Variants in EPHB3 observed in about 807,000 individuals in gnomAD.
The protein encoded by EPHB3 is ephrin type-B receptor 3.
A neutral mutation model predicts 100.2 loss-of-function variants in EPHB3; 33 were observed. The observed-to-expected ratio is 0.33, with a 90% CI of 0.25 to 0.44. EPHB3 has a LOEUF of 0.44. Ranked by LOEUF, EPHB3 falls within the 20% of genes least tolerant of loss-of-function variation. The pLI, the probability that EPHB3 is intolerant of heterozygous loss-of-function variation, is 1.00. For synonymous variants in EPHB3, 526 were observed against 554.7 expected (o/e 0.95, Z 0.73); for missense variants, 1,045 against 1,378.3 (o/e 0.76, Z 3.83).
Position 184,579,482 on chromosome 3 carries a change from C to T in EPHB3, c.1807C>T (p.Pro603Ser), listed in dbSNP as rs1714765158. The T allele has an allele frequency of 1.9e-6, 3 of 1,613,312 alleles. No individual in the cohort carries two copies. Among genetic ancestry groups the T allele is most frequent in the Non-Finnish European group, 2.5e-6 (3 of 1,179,434 alleles). ...YTEKLQQYIA[P>S]GMKVYIDPFT... Reference sequence around the variant, plus strand: ...CCCACCTCTTCTCCCTCCAGTTGCTCCTGGAATGAAGGTTTATATTGACCC... The same window carrying T: ...CCCACCTCTTCTCCCTCCAGTTGCTTCTGGAATGAAGGTTTATATTGACCC... Residue 603 changes from proline to serine, a missense_variant, in exon 10 of 16, where the codon CCT becomes TCT. By Grantham distance (74) the Pro-to-Ser change is moderately conservative (BLOSUM62 -1). This residue lies in a region of EPHB3 where 985 missense variants were observed against 1,331.1 expected (regional missense o/e 0.74). Coordinates refer to ENST00000330394, the MANE Select transcript of EPHB3 (RefSeq NM_004443.4). This position sits in a 1 kb window ranked among gnomAD's most constrained non-coding sequence, Gnocchi z 5.2.
rs1165959725 is a variant in EPHB3, at chr3:184,563,096, G to T, written c.118+743G>T. 6.6e-6 allele frequency among the ~76,000 whole-genome samples: 1 copy of T among 152,216 alleles called. No homozygotes were observed. Among genetic ancestry groups the T allele is most frequent in the East Asian group, 1.9e-4 (1 of 5,198 alleles). On this transcript the variant is annotated intron_variant, in intron 1 of 15. Transcript: ENST00000330394. This position sits in a 1 kb window ranked among gnomAD's most constrained non-coding sequence, Gnocchi z 4.1. ...CTTCTCAATAGGTTCTGTGAAACCTGCCAAGACTGCTGTGGGGGGCAGCTC... is the reference window on the plus strand; with the variant it reads ...CTTCTCAATAGGTTCTGTGAAACCTTCCAAGACTGCTGTGGGGGGCAGCTC...
intron 1 of EPHB3, among the ~76,000 whole-genome samples, chr3:184,568,592 A>AC (rs113185340): frequency 0.18 from 23,604 of 128,278 alleles, 1,766 homozygotes; most frequent in Middle Eastern, 0.26. Flanking sequence ...GGGTTCTATG[A>AC]CCCCCCCCCC....
Position 184,562,250 on chromosome 3 carries a change from C to CCCGCCGCCGCCGCCG in EPHB3, c.16_30dup (p.Pro6_Pro10dup), listed in dbSNP as rs763165946. 1 of 1,070,582 alleles carries CCCGCCGCCGCCGCCG rather than the reference C, an allele frequency of 9.3e-7. No individual in the cohort carries two copies. Among genetic ancestry groups the CCCGCCGCCGCCGCCG allele is most frequent in the Non-Finnish European group, 1.2e-6 (1 of 858,006 alleles). 66.3% of individuals were successfully genotyped at this position (1,070,582 alleles called of 1,614,324 possible). A position where few individuals can be genotyped will look rare whatever the true frequency, so the allele number is the denominator to read the frequency against. ...CTGCCACGGCCATGGCCAGAGCCCG[C>CCCGCCGCCGCCGCCG]CCGCCGCCGCCGCCGTCGCCGCCGC... On this transcript the variant is annotated inframe_insertion, in exon 1 of 16. Transcript: ENST00000330394. The surrounding 1 kb of genome is among the most constrained non-coding windows in gnomAD (Gnocchi z 4.8).
At position 184,562,250 on chromosome 3, in the gene EPHB3, CCCGCCGCCGCCGCCGTCG is replaced by C; in HGVS notation, c.25_42del (p.Pro9_Pro14del). The C allele has an allele frequency of 2.8e-6, 3 of 1,077,146 alleles. No homozygotes were observed. Among genetic ancestry groups the C allele is most frequent in the Non-Finnish European group, 2.3e-6 (2 of 863,142 alleles). 66.7% of individuals were successfully genotyped at this position (1,077,146 alleles called of 1,614,324 possible). On this transcript the variant is annotated inframe_deletion, in exon 1 of 16. Transcript: ENST00000330394. This position sits in a 1 kb window ranked among gnomAD's most constrained non-coding sequence, Gnocchi z 4.8. ...CTGCCACGGCCATGGCCAGAGCCCG[CCCGCCGCCGCCGCCGTCG>C]CCGCCGCCGGGGCTTCTGCCGCTGC... is the stretch of plus-strand genomic sequence containing the variant.
In EPHB3 at chr3:184,577,210, G is replaced by T. The variant is rs375569717; in HGVS notation, c.1354+27G>T. On this transcript the variant is annotated intron_variant, in intron 5 of 15. Coordinates refer to ENST00000330394, the MANE Select transcript of EPHB3 (RefSeq NM_004443.4). This position sits in a 1 kb window ranked among gnomAD's most constrained non-coding sequence, Gnocchi z 4.9. ...TGAGGAGGGGACACTGGAGGGTAGG[G>T]CCTGGGTCACTTTCTCCTGGATGAG... is the stretch of plus-strand genomic sequence containing the variant. 6.3e-7 allele frequency: 1 copy of T among 1,576,648 alleles called. No individual in the cohort carries two copies. The highest frequency in any genetic ancestry group is 8.6e-7 in the Non-Finnish European group (1 of 1,158,256).
rs2108439523 is a variant in EPHB3 at position 184,579,031 on chromosome 3, AGAG to A, written c.1802-442_1802-440del. Among the ~76,000 whole-genome samples the A allele has an allele frequency of 6.6e-6, 1 of 152,276 alleles. No individual in the cohort carries two copies. The highest frequency in any genetic ancestry group is 6.5e-5 in the Admixed American group (1 of 15,298). On this transcript the variant is annotated intron_variant, in intron 9 of 15. Transcript: ENST00000330394. The surrounding 1 kb of genome is among the most constrained non-coding windows in gnomAD (Gnocchi z 5.2). The stretch of plus-strand genomic sequence containing the variant: ...CCTCGGAGGGTCCTGAAAGGCAGGC[AGAG>A]GAGTCTGGACTTGACTCCACCATAG...
chr3:184,567,480 GGTGTGT>G (rs58429187), intron 1 of EPHB3, among the ~76,000 whole-genome samples: 78 of 148,650 alleles, frequency 5.2e-4, no homozygotes, highest in Middle Eastern at 3.4e-3. Flanking sequence ...ATGCTTGCAG[GGTGTGT>G]GTGTGTGTGT....
rs1002673735 is a variant in EPHB3, at chr3:184,562,760, C to T, written c.118+407C>T. ...TGGCGGGTGGGGGCGAAGCGGGACT[C>T]CCCGGGTTGGGGGGCGCTAATGAGG... On this transcript the variant is annotated intron_variant, in intron 1 of 15. Coordinates refer to ENST00000330394, the MANE Select transcript of EPHB3 (RefSeq NM_004443.4). The surrounding 1 kb of genome is among the most constrained non-coding windows in gnomAD (Gnocchi z 4.8). 6.6e-6 allele frequency among the ~76,000 whole-genome samples: 1 copy of T among 152,166 alleles called. No homozygotes were observed. Among genetic ancestry groups the T allele is most frequent in the Non-Finnish European group, 1.5e-5 (1 of 68,016 alleles).
At position 184,576,847 on chromosome 3, in the gene EPHB3, C is replaced by T; in HGVS notation, c.1018C>T (p.Pro340Ser). The T allele has an allele frequency of 6.5e-7, 1 of 1,541,820 alleles. No homozygotes were observed. Among genetic ancestry groups the T allele is most frequent in the South Asian group, 1.3e-5 (1 of 79,336 alleles). The change falls in exon 5 of 16, where the codon CCA becomes TCA. Residue 340 changes from proline (P) to serine (S), a missense_variant. Transcript: ENST00000330394. Reference protein sequence around the residue: ...DSADSACTTVPSPPRGVISNV... With the variant: ...DSADSACTTVSSPPRGVISNV... ...TCCCTCCATATTCCTCACAGCCGTG[C>T]CATCTCCACCCCGAGGTGTGATCTC...
chr3:184,562,309 T>TGCTGCC lies in EPHB3; in HGVS notation c.80_85dup (p.Pro27_Leu28dup), dbSNP rs1458706919. ...CTGCCGCTGCTCCCTCCGCTGCTGCTGCTGCCGCTGCTGCTGCTGCCCGCC... is the reference window on the plus strand; with the variant it reads ...CTGCCGCTGCTCCCTCCGCTGCTGCTGCTGCCGCTGCCGCTGCTGCTGCTGCCCGCC... On this transcript the variant is annotated inframe_insertion, in exon 1 of 16. Coordinates refer to ENST00000330394, the MANE Select transcript of EPHB3 (RefSeq NM_004443.4). This position sits in a 1 kb window ranked among gnomAD's most constrained non-coding sequence, Gnocchi z 4.8. The TGCTGCC allele has an allele frequency of 3.8e-5, 48 of 1,250,462 alleles. No individual in the cohort carries two copies. The African/African-American group carries it at 6.4e-4, about 17-fold the overall frequency. The allele number at this position is 1,250,462 out of a possible 1,614,324, so 77.5% of individuals were successfully genotyped here. A position where few individuals can be genotyped will look rare whatever the true frequency, so the allele number is the denominator to read the frequency against.
Position 184,577,604 on chromosome 3 carries a change from G to A in EPHB3, c.1480-54G>A. 6.4e-7 allele frequency: 1 copy of A among 1,570,632 alleles called. No homozygotes were observed. Among genetic ancestry groups the A allele is most frequent in the South Asian group, 1.2e-5 (1 of 84,042 alleles). On this transcript the variant is annotated intron_variant, in intron 6 of 15. Transcript: ENST00000330394. This position sits in a 1 kb window ranked among gnomAD's most constrained non-coding sequence, Gnocchi z 4.9. ...GTGGCAGGCCTGGGTGTGAATAGGG[G>A]CTGGTTGGCCTCAGGACCCACCTGA... is the stretch of plus-strand genomic sequence containing the variant.
intron 1 of EPHB3, among the ~76,000 whole-genome samples, chr3:184,566,191 G>A (rs1047601392): frequency 6.6e-6 from 1 of 152,204 alleles, no homozygotes; most frequent in African/African-American, 2.4e-5. Flanking sequence ...AAGGGCTGAA[G>A]GGCTCAGGTT....
chr3:184,575,799 T>A (rs1577528294), intron 3 of EPHB3, 31 bp from the exon 4 acceptor site: 1 of 1,554,958 alleles, frequency 6.4e-7, no homozygotes, highest in African/African-American at 1.4e-5. Context: ...GGAAGGGAGG[T>A]GAGCCCCATT....
intron 1 of EPHB3, among the ~76,000 whole-genome samples, chr3:184,570,691 C>T (rs1011412710): frequency 1.2e-4 from 18 of 152,220 alleles, no homozygotes; most frequent in Non-Finnish European, 2.5e-4. Flanking sequence ...GCCCTTTGTT[C>T]CAGGATAAAG....
Position 184,577,108 on chromosome 3 carries a change from G to A in EPHB3, c.1279G>A (p.Ala427Thr). Residue 427 changes from alanine (A) to threonine (T), a missense_variant, in exon 5 of 16, where the codon GCG becomes ACG. Ala to Thr is a moderately conservative substitution (Grantham distance 58). This residue lies in a region of EPHB3 where 985 missense variants were observed against 1,331.1 expected (regional missense o/e 0.74). Coordinates refer to ENST00000330394, the MANE Select transcript of EPHB3 (RefSeq NM_004443.4). This position sits in a 1 kb window ranked among gnomAD's most constrained non-coding sequence, Gnocchi z 4.9. ...CACGCGCTACACCTTTGAGGTGCAGGCGGTCAACGGTGTCTCGGGCAAGAG... is the reference window on the plus strand; with the variant it reads ...CACGCGCTACACCTTTGAGGTGCAGACGGTCAACGGTGTCTCGGGCAAGAG... The part of the protein sequence containing the change: ...AHTRYTFEVQ[A>T]VNGVSGKSPL... The A allele has an allele frequency of 6.2e-7, 1 of 1,612,904 alleles. No homozygotes were observed. The highest frequency in any genetic ancestry group is 8.5e-7 in the Non-Finnish European group (1 of 1,179,420).
At position 184,581,784 on chromosome 3, in the gene EPHB3, C is replaced by T. The variant is rs1342205858; in HGVS notation, c.*162C>T. ...GGACTTCTCCAGGCCTGTGTTCCCT[C>T]CCCAGGAAGTGCGCCCCAAACCTCT... is the stretch of plus-strand genomic sequence containing the variant. On this transcript the variant is annotated 3_prime_UTR_variant, in exon 16 of 16. Coordinates refer to ENST00000330394, the MANE Select transcript of EPHB3 (RefSeq NM_004443.4). 2.3e-5 allele frequency: 16 copies of T among 682,042 alleles called. No individual in the cohort carries two copies. Among genetic ancestry groups the T allele is most frequent in the Non-Finnish European group, 3.8e-5 (16 of 417,252 alleles). The allele number at this position is 682,042 out of a possible 1,614,324, so 42.2% of individuals were successfully genotyped here. A position where few individuals can be genotyped will look rare whatever the true frequency, so the allele number is the denominator to read the frequency against.
Position 184,581,570 on chromosome 3 carries a change from G to C in EPHB3, c.2945G>C (p.Ser982Thr), listed in dbSNP as rs1224921793. 1 of 1,613,864 alleles carries C rather than the reference G, an allele frequency of 6.2e-7. No individual in the cohort carries two copies. Among genetic ancestry groups the C allele is most frequent in the African/African-American group, 1.3e-5 (1 of 75,058 alleles). ...LAGHQKKILS[S>T]IQDMRLQMNQ... Reference sequence around the variant, plus strand: ...GGCCACCAGAAGAAGATCCTGAGCAGTATCCAGGACATGCGGCTGCAGATG... The same window carrying C: ...GGCCACCAGAAGAAGATCCTGAGCACTATCCAGGACATGCGGCTGCAGATG... Residue 982 changes from serine to threonine, a missense_variant, in exon 16 of 16, where the codon AGT becomes ACT. Coordinates refer to ENST00000330394, the MANE Select transcript of EPHB3 (RefSeq NM_004443.4).
At chr3:184,567,113 G>A (rs941542879) in intron 1 of EPHB3, among the ~76,000 whole-genome samples, 3 of 152,192 alleles carry the variant, frequency 2.0e-5, no homozygotes, top group African/African-American at 7.2e-5. Flanking sequence ...CAGGGGCCCT[G>A]GAGACAGTGC....
rs1714282535 is a variant in EPHB3 at position 184,562,495 on chromosome 3, G to T, written c.118+142G>T. The T allele has an allele frequency of 1.8e-6, 2 of 1,117,702 alleles. No individual in the cohort carries two copies. Among genetic ancestry groups the T allele is most frequent in the African/African-American group, 3.3e-5 (2 of 60,466 alleles). The allele number at this position is 1,117,702 out of a possible 1,614,324, so 69.2% of individuals were successfully genotyped here. A position where few individuals can be genotyped will look rare whatever the true frequency, so the allele number is the denominator to read the frequency against. ...CGCCCGCTCCGGGGCCCAGGGATGG[G>T]GTGGGGAGGCCGCCCCTGGAGCCGC... On this transcript the variant is annotated intron_variant, in intron 1 of 15. Coordinates refer to ENST00000330394, the MANE Select transcript of EPHB3 (RefSeq NM_004443.4). This position sits in a 1 kb window ranked among gnomAD's most constrained non-coding sequence, Gnocchi z 4.8.
Sources: allele counts gnomAD v4.1 joint callset (sites outside exome capture counted in the v4.1 genomes callset), GRCh38; gene constraint gnomAD v4.1.1; regional missense constraint gnomAD v4.1.1; non-coding constraint Gnocchi (gnomAD v3.1); transcripts MANE v1.5; gene names NCBI Gene and HGNC (gene_info 2026-07-23, HGNC 2026-07-21).